The following SLC38A11 variants were observed in gnomAD, a reference collection of about 807,000 sequenced individuals.
SLC38A11 encodes putative sodium-coupled neutral amino acid transporter 11.
A neutral mutation model predicts 49.4 loss-of-function variants in SLC38A11; 51 were observed. The observed-to-expected ratio is 1.03, with a 90% confidence interval of 0.83 to 1.30. The LOEUF is 1.30. Among genes scored for constraint, SLC38A11 ranks in the 50% most tolerant of loss-of-function variants. SLC38A11 has a pLI of 0.00. For missense variants in SLC38A11, 574 were observed against 556.2 expected (o/e 1.03, Z -0.32); for synonymous variants, 203 against 192.9 (o/e 1.05, Z -0.43).
rs556800117 is a variant in SLC38A11 at position 164,898,380 on chromosome 2, G to C, written c.*57C>G. On this transcript the variant is annotated 3_prime_UTR_variant, in exon 12 of 12. Transcript: ENST00000685975. The stretch of plus-strand genomic sequence containing the variant: ...AACATAAATACAGACTAAAGCAAGC[G>C]TAAATGTTATGTGTTTTAAAGTCTA... The C allele has an allele frequency of 3.9e-5, 49 of 1,269,784 alleles. No homozygotes were observed. In the East Asian group the frequency reaches 1.1e-3, roughly 30 times the overall value. The allele number at this position is 1,269,784 out of a possible 1,614,324, so 78.7% of individuals were successfully genotyped here. A position where few individuals can be genotyped will look rare whatever the true frequency, so the allele number is the denominator to read the frequency against.
intron 7 of SLC38A11, among the ~76,000 whole-genome samples, chr2:164,925,574 C>T (rs1214198671): frequency 6.6e-6 from 1 of 152,104 alleles, no homozygotes; most frequent in Non-Finnish European, 1.5e-5. Flanking sequence ...AAGGATCCCA[C>T]AAAATGAGGA....
At chr2:164,903,040 A>G (rs1420116373) in intron 11 of SLC38A11, among the ~76,000 whole-genome samples, 2 of 152,240 alleles carry the variant, frequency 1.3e-5, no homozygotes, top group Non-Finnish European at 2.9e-5. Context: ...CATAGATTCT[A>G]TCATAATATT....
At chr2:164,946,755 C>CT (rs1559130076) in intron 3 of SLC38A11, among the ~76,000 whole-genome samples, 1 of 152,136 alleles carries the variant, frequency 6.6e-6, no homozygotes, top group South Asian at 2.1e-4. Flanking sequence ...TACTTGTTCT[C>CT]TTTTTTCTCT....
At chr2:164,947,289 G>T (rs937773052) in intron 3 of SLC38A11, among the ~76,000 whole-genome samples, 2 of 151,668 alleles carry the variant, frequency 1.3e-5, no homozygotes, top group Non-Finnish European at 2.9e-5. Flanking sequence ...CCACCACCAT[G>T]CCTGGCTAAT....
At chr2:164,939,422 C>A in intron 6 of SLC38A11, 28 bp downstream of exon 6, 1 of 1,469,412 alleles carries the variant, frequency 6.8e-7, no homozygotes, top group South Asian at 1.2e-5. Flanking sequence ...AGGTACATTT[C>A]TATGCCCATT....
intron 7 of SLC38A11, among the ~76,000 whole-genome samples, chr2:164,935,383 A>C (rs1687293001): frequency 6.6e-6 from 1 of 151,824 alleles, no homozygotes; most frequent in Non-Finnish European, 1.5e-5. Context: ...AAAACCACTA[A>C]TGTAGGCCAG....
At chr2:164,949,154 C>T (rs1234879686) in intron 3 of SLC38A11, among the ~76,000 whole-genome samples, 3 of 151,350 alleles carry the variant, frequency 2.0e-5, no homozygotes, top group Admixed American at 6.6e-5. Context: ...AATCAATGAT[C>T]ACTATAGCAG....
intron 11 of SLC38A11, among the ~76,000 whole-genome samples, chr2:164,903,941 T>C (rs963742376): frequency 6.6e-6 from 1 of 152,146 alleles, no homozygotes; most frequent in Non-Finnish European, 1.5e-5. Context: ...CTAAATAAAA[T>C]AATGCTTATA....
chr2:164,941,005 G>A (rs958671731), intron 5 of SLC38A11, among the ~76,000 whole-genome samples: 14 of 151,842 alleles, frequency 9.2e-5, no homozygotes, highest in African/African-American at 3.4e-4. Flanking sequence ...TGCTTCACTG[G>A]GAAGTTGCTA....
intron 1 of SLC38A11, 149 bp from the exon 2 acceptor site, chr2:164,954,894 T>G: frequency 1.8e-6 from 1 of 571,214 alleles, no homozygotes; most frequent in East Asian, 2.8e-5. Context: ...ATAACAGTAA[T>G]AAAGAATAAC....
chr2:164,955,318 T>A lies in SLC38A11; in HGVS notation c.-71A>T. ...ACGGATTCGCACCCGGCCAGCCTCC[T>A]CCGCCACCTCGCACACAGCCGAGGT... is the stretch of plus-strand genomic sequence containing the variant. On this transcript the variant is annotated 5_prime_UTR_variant, in exon 1 of 12. Transcript: ENST00000685975. 1.4e-6 allele frequency: 2 copies of A among 1,411,446 alleles called. No homozygotes were observed. Among genetic ancestry groups the A allele is most frequent in the Non-Finnish European group, 2.0e-6 (2 of 1,020,532 alleles). The allele number at this position is 1,411,446 out of a possible 1,614,324, so 87.4% of individuals were successfully genotyped here. A position where few individuals can be genotyped will look rare whatever the true frequency, so the allele number is the denominator to read the frequency against.
intron 10 of SLC38A11, among the ~76,000 whole-genome samples, chr2:164,909,932 T>A (rs1394119482): frequency 6.6e-6 from 1 of 152,150 alleles, no homozygotes; most frequent in East Asian, 1.9e-4. Flanking sequence ...CTCCAAGTAT[T>A]ATCTTATTTA....
intron 4 of SLC38A11, 102 bp downstream of exon 4, chr2:164,945,491 T>C (rs970264486): frequency 3.7e-6 from 4 of 1,080,808 alleles, no homozygotes; most frequent in Non-Finnish European, 5.0e-6. Context: ...AGATTTCAAC[T>C]GCTATAGTGA....
At chr2:164,946,565 A>C (rs1256312876) in intron 3 of SLC38A11, among the ~76,000 whole-genome samples, 3 of 19,662 alleles carry the variant, frequency 1.5e-4, no homozygotes, top group Admixed American at 1.1e-3. Flanking sequence ...ACTCCCTCTC[A>C]AAAAAAAAAA....
Position 164,952,794 on chromosome 2 carries a change from A to G in SLC38A11, c.155-13T>C, listed in dbSNP as rs1254379348. ...GAATAAGGCAATCCTGAAAAAACAT[A>G]AAATGCCCCACCCTTCACATTAACA... On this transcript the variant is annotated splice_polypyrimidine_tract_variant and intron_variant, in intron 2 of 11. Coordinates refer to ENST00000685975, the MANE Select transcript of SLC38A11 (RefSeq NM_001351537.2). 1 of 1,586,746 alleles carries G rather than the reference A, an allele frequency of 6.3e-7. No homozygotes were observed. Among genetic ancestry groups the G allele is most frequent in the South Asian group, 1.2e-5 (1 of 85,704 alleles).
intron 3 of SLC38A11, among the ~76,000 whole-genome samples, chr2:164,948,104 G>A (rs774085546): frequency 2.0e-5 from 3 of 152,152 alleles, no homozygotes; most frequent in Non-Finnish European, 4.4e-5. Flanking sequence ...GTGTGACTTT[G>A]GGTGAAAGAT....
Position 164,915,976 on chromosome 2 carries a change from A to G in SLC38A11, c.618-3T>C. 1 of 1,584,458 alleles carries G rather than the reference A, an allele frequency of 6.3e-7. No individual in the cohort carries two copies. The highest frequency in any genetic ancestry group is 8.6e-7 in the Non-Finnish European group (1 of 1,157,674). On this transcript the variant is annotated splice_region_variant and splice_polypyrimidine_tract_variant and intron_variant, in intron 7 of 11. Transcript: ENST00000685975. ...CCCAAGCGTCTTCTGTTTTTGGTCT[A>G]GAAGAAAAATCAGTTAACTTGATAA...
chr2:164,952,869 G>C (rs1688618639), intron 2 of SLC38A11, 88 bp from the exon 3 acceptor site: 2 of 916,722 alleles, frequency 2.2e-6, no homozygotes, highest in Non-Finnish European at 3.5e-6. Context: ...GCATATAATA[G>C]GTAAAGTCAA....
At chr2:164,938,267 T>A (rs1687512596) in intron 6 of SLC38A11, among the ~76,000 whole-genome samples, 1 of 152,118 alleles carries the variant, frequency 6.6e-6, no homozygotes, top group South Asian at 2.1e-4. Context: ...AGAGAGAGAT[T>A]AAACAACCTC....
Sources: gnomAD v4.1 joint callset for allele counts (sites outside exome capture counted in the v4.1 genomes callset) on GRCh38, gnomAD v4.1.1 for gene constraint, MANE v1.5 for transcripts, NCBI Gene and HGNC (gene_info 2026-07-23, HGNC 2026-07-21) for gene names.